The following GMPS variants were observed in gnomAD, a reference collection of about 807,000 sequenced individuals.
GMPS encodes the protein guanosine monophosphate synthase.
In GMPS, 15 loss-of-function variants were observed where a neutral mutation model predicts 77.9. That is an observed-to-expected ratio of 0.19 (90% CI 0.13 to 0.30). The LOEUF (loss-of-function observed/expected upper bound fraction) is 0.30. GMPS is among the 10% of genes least tolerant of loss of function. The pLI, the probability that GMPS is intolerant of heterozygous loss-of-function variation, is 1.00. For synonymous variants in GMPS, 224 were observed against 275.9 expected (o/e 0.81, Z 1.86); for missense variants, 590 against 838.8 (o/e 0.70, Z 3.66).
intron 5 of GMPS, among the ~76,000 whole-genome samples, chr3:155,909,911 C>T (rs1219263560): frequency 6.6e-6 from 1 of 150,612 alleles, no homozygotes; most frequent in Non-Finnish European, 1.5e-5. Flanking sequence ...CTCTGCACTC[C>T]AGCCTGGGTG....
intron 3 of GMPS, among the ~76,000 whole-genome samples, chr3:155,902,674 AGGG>A (rs1165027839): frequency 6.6e-6 from 1 of 152,190 alleles, no homozygotes; most frequent in Non-Finnish European, 1.5e-5. Context: ...TAGATGCTAG[AGGG>A]CTAATGAAGA....
chr3:155,903,824 T>C (rs1754792871), intron 3 of GMPS, 39 bp from the exon 4 acceptor site: 4 of 846,668 alleles, frequency 4.7e-6, no homozygotes, highest in Non-Finnish European at 5.5e-6. Context: ...GGTATTTTTC[T>C]TTTGATTTCT....
At chr3:155,930,832 A>AT (rs1560053594) in intron 12 of GMPS, among the ~76,000 whole-genome samples, 1 of 151,982 alleles carries the variant, frequency 6.6e-6, no homozygotes, top group Non-Finnish European at 1.5e-5. Context: ...ATTTTATTTT[A>AT]TTTTTTTGAG....
chr3:155,895,212 A>C (rs1754573027), intron 2 of GMPS, among the ~76,000 whole-genome samples: 1 of 152,212 alleles, frequency 6.6e-6, no homozygotes, highest in Admixed American at 6.5e-5. Context: ...GGCTTTTATT[A>C]CTGTAATCCT....
chr3:155,931,333 A>G (rs1413229239), intron 12 of GMPS, among the ~76,000 whole-genome samples: 2 of 151,674 alleles, frequency 1.3e-5, no homozygotes, highest in Non-Finnish European at 2.9e-5. Flanking sequence ...CTACAGGTTC[A>G]TGCCACCATG....
intron 7 of GMPS, among the ~76,000 whole-genome samples, chr3:155,913,701 A>G (rs1187991194): frequency 2.0e-5 from 3 of 151,792 alleles, no homozygotes; most frequent in Non-Finnish European, 4.4e-5. Flanking sequence ...TTGTGTTTTT[A>G]GTAGAGATGT....
chr3:155,873,375 C>T (rs1248936540), intron 1 of GMPS, among the ~76,000 whole-genome samples: 2 of 151,930 alleles, frequency 1.3e-5, no homozygotes, highest in Middle Eastern at 3.4e-3. Context: ...GCTGCCTTGA[C>T]TTCTTTAGCC....
Position 155,943,143 on chromosome 3 carries a change from A to G in GMPS, c.*5451A>G, listed in dbSNP as rs1022600361. On this transcript the variant is annotated 3_prime_UTR_variant, in exon 16 of 16. Coordinates refer to ENST00000496455, the MANE Select transcript of GMPS (RefSeq NM_003875.3). ...CTACTCGGAAGGCTGAGGTGTGAGAATCACTTAAACCCGGGAGATGGAGGT... is the reference window on the plus strand; with the variant it reads ...CTACTCGGAAGGCTGAGGTGTGAGAGTCACTTAAACCCGGGAGATGGAGGT... 1 of 176,376 alleles carries G rather than the reference A, an allele frequency of 5.7e-6. No individual in the cohort carries two copies. The highest frequency in any genetic ancestry group is 2.4e-5 in the African/African-American group (1 of 42,182). 10.9% of individuals were successfully genotyped at this position (176,376 alleles called of 1,614,324 possible). A position where few individuals can be genotyped will look rare whatever the true frequency, so the allele number is the denominator to read the frequency against.
intron 13 of GMPS, among the ~76,000 whole-genome samples, chr3:155,932,275 G>C (rs1020783126): frequency 8.2e-6 from 1 of 122,302 alleles, no homozygotes; most frequent in African/African-American, 3.3e-5. Flanking sequence ...TACAAATAAA[G>C]TAACACACAC....
At chr3:155,896,289 G>A (rs1273222415) in intron 2 of GMPS, among the ~76,000 whole-genome samples, 3 of 152,122 alleles carry the variant, frequency 2.0e-5, no homozygotes, top group African/African-American at 7.2e-5. Context: ...GATTACAGGT[G>A]TGAGCCACCA....
At chr3:155,928,975 TG>T (rs1755528959) in intron 12 of GMPS, among the ~76,000 whole-genome samples, 1 of 150,930 alleles carries the variant, frequency 6.6e-6, no homozygotes, top group Non-Finnish European at 1.5e-5. Context: ...TTTGCTATTG[TG>T]AATAATGCCG....
At chr3:155,894,522 C>G (rs980909333) in intron 2 of GMPS, among the ~76,000 whole-genome samples, 1 of 152,128 alleles carries the variant, frequency 6.6e-6, no homozygotes, top group African/African-American at 2.4e-5. Flanking sequence ...CCGTGCCCGG[C>G]CAGTGTCATG....
chr3:155,930,587 A>G lies in GMPS; in HGVS notation c.1561-1178A>G, dbSNP rs911659447. On this transcript the variant is annotated intron_variant, in intron 12 of 15. Coordinates refer to ENST00000496455, the MANE Select transcript of GMPS (RefSeq NM_003875.3). ...AGTGAACAGGCAACCTACAAAATGG[A>G]AGAAAATTTTCGCAACCTACTTATC... Among the ~76,000 whole-genome samples, 7 of 151,806 alleles carry G rather than the reference A, an allele frequency of 4.6e-5. No homozygotes were observed. In the South Asian group the frequency reaches 8.4e-4, roughly 18 times the overall value.
At position 155,870,706 on chromosome 3, in the gene GMPS, G is replaced by A; in HGVS notation, c.-165G>A. On this transcript the variant is annotated 5_prime_UTR_variant, in exon 1 of 16. Transcript: ENST00000496455. ...GCGCTGGGGCCCGCGCTCCGCTGCT[G>A]TTGCTCCATTCGGCGCTTTTCTGGC... 1.8e-6 allele frequency: 1 copy of A among 551,446 alleles called. No homozygotes were observed. 34.2% of individuals were successfully genotyped at this position (551,446 alleles called of 1,614,324 possible).
intron 12 of GMPS, 82 bp from the exon 13 acceptor site, chr3:155,931,683 T>TTTTAA (rs745576751): frequency 1.2e-4 from 48 of 398,952 alleles, no homozygotes; most frequent in East Asian, 7.3e-4. Flanking sequence ...CTTTTTTTTT[T>TTTTAA]AAAAAAAAAA....
chr3:155,933,469 C>T lies in GMPS; in HGVS notation c.1677-1447C>T, dbSNP rs560052407. 7.9e-5 allele frequency among the ~76,000 whole-genome samples: 12 copies of T among 152,170 alleles called. 1 individual carries two copies. Among genetic ancestry groups the T allele is most frequent in the Middle Eastern group, 6.8e-3 (2 of 294 alleles). ...GTTCATGGCATTCTCTTAACTTTCT[C>T]CTGTAAAGATCTTTTATGAACTTTA... On this transcript the variant is annotated intron_variant, in intron 13 of 15. Coordinates refer to ENST00000496455, the MANE Select transcript of GMPS (RefSeq NM_003875.3).
chr3:155,910,613 G>T, intron 5 of GMPS, 79 bp from the exon 6 acceptor site: 7 of 593,814 alleles, frequency 1.2e-5, no homozygotes, highest in Non-Finnish European at 2.0e-5. Flanking sequence ...GGCAGAGATT[G>T]TGAGAAATTA....
In GMPS at chr3:155,916,099, A is replaced by G; in HGVS notation, c.1119A>G (p.Leu373=). The part of the protein sequence containing the change: ...FLAQGTLRPD[L]IESASLVASG... ...CCCAAGGTACTTTACGGCCTGATCT[A>G]ATTGAAAGTGCATCCCTTGTTGCAA... The change falls in exon 9 of 16, where the codon CTA becomes CTG. Residue 373 remains leucine (L), a synonymous_variant. Coordinates refer to ENST00000496455, the MANE Select transcript of GMPS (RefSeq NM_003875.3). 3.7e-6 allele frequency: 6 copies of G among 1,612,996 alleles called. No homozygotes were observed. The highest frequency in any genetic ancestry group is 5.1e-6 in the Non-Finnish European group (6 of 1,178,980).
chr3:155,936,551 T>G, intron 15 of GMPS, 41 bp downstream of exon 15: 1 of 1,119,864 alleles, frequency 8.9e-7, no homozygotes, highest in Non-Finnish European at 1.4e-6. Flanking sequence ...TCTCAGTACC[T>G]CTTACATTTT....
Sources: allele counts gnomAD v4.1 joint callset (sites outside exome capture counted in the v4.1 genomes callset), GRCh38; gene constraint gnomAD v4.1.1; transcripts MANE v1.5; gene names NCBI Gene and HGNC (gene_info 2026-07-23, HGNC 2026-07-21).